PAK3: variants seen among roughly 807,000 people sequenced by gnomAD.
PAK3 encodes the protein p21 (RAC1) activated kinase 3.
PAK3 carries 4 observed loss-of-function variants against 41.0 expected under a neutral mutation model. That is an observed-to-expected ratio of 0.10 (90% confidence interval 0.05 to 0.22). The LOEUF (loss-of-function observed/expected upper bound fraction) is 0.22, where lower values mean the gene tolerates loss of function less well. Among genes scored for constraint, PAK3 ranks in the 10% least tolerant of loss-of-function variants. PAK3 has a pLI of 1.00. For missense variants in PAK3, 205 were observed against 409.9 expected, an observed-to-expected ratio of 0.50 and a Z score of 4.32; for synonymous variants, 146 against 139.6, an observed-to-expected ratio of 1.05 and a Z score of -0.32.
chrX:111,046,438 A>C (rs148288319), intron 1 of PAK3, among the ~76,000 whole-genome samples: 1,810 of 111,875 alleles, frequency 0.016, 34 homozygotes, highest in African/African-American at 0.055. Flanking sequence ...ATGGCCACAT[A>C]GTCTTTGCTC....
intron 4 of PAK3, among the ~76,000 whole-genome samples, chrX:111,114,384 G>A (rs1324170830): frequency 8.9e-6 from 1 of 111,800 alleles, no homozygotes; most frequent in African/African-American, 3.3e-5. Context: ...TGCACAGATG[G>A]GTTACTTAAG....
intron 1 of PAK3, among the ~76,000 whole-genome samples, chrX:110,971,144 A>G (rs1285189207): frequency 8.9e-6 from 1 of 112,226 alleles, no homozygotes; most frequent in East Asian, 2.8e-4. Context: ...AAGATTAAAG[A>G]CTTTGAGTAT....
intron 11 of PAK3, among the ~76,000 whole-genome samples, chrX:111,176,155 T>G (rs2094401354): frequency 9.0e-6 from 1 of 110,989 alleles, no homozygotes; most frequent in Non-Finnish European, 1.9e-5. Context: ...TTGGCCAGAT[T>G]CAAAGAACTG....
intron 1 of PAK3, among the ~76,000 whole-genome samples, chrX:111,039,994 C>CAAAAAA (rs141289134): frequency 2.0e-5 from 1 of 49,274 alleles, no homozygotes. Context: ...GTAGATGGAG[C>CAAAAAA]AAAAAAAAAA....
At chrX:111,201,307 T>A (rs2094680704) in intron 16 of PAK3, among the ~76,000 whole-genome samples, 1 of 112,039 alleles carries the variant, frequency 8.9e-6, no homozygotes, top group East Asian at 2.8e-4. Context: ...ATGCCCTTAT[T>A]TGGAATCTTT....
In PAK3 at chrX:110,953,228, G is replaced by A. The variant is rs779016037; in HGVS notation, c.-28+8600G>A. On this transcript the variant is annotated intron_variant, in intron 1 of 14. Transcript: ENST00000425146. ...CCTCATTAACAAAGAGGCAAAGAGA[G>A]TCAGTAAATGGAGCTTACATTAAAT... Among the ~76,000 whole-genome samples the A allele has an allele frequency of 4.5e-5, 5 of 111,907 alleles. No individual in the cohort carries two copies. The Admixed American group carries it at 4.7e-4, about 11-fold the overall frequency.
At chrX:111,183,888 A>G (rs182455243) in intron 11 of PAK3, among the ~76,000 whole-genome samples, 1 of 111,796 alleles carries the variant, frequency 8.9e-6, no homozygotes, top group East Asian at 2.9e-4. Flanking sequence ...AGATGTACTT[A>G]TCGCATTTTA....
At chrX:111,045,699 C>T (rs1277443051) in intron 1 of PAK3, among the ~76,000 whole-genome samples, 1 of 111,830 alleles carries the variant, frequency 8.9e-6, no homozygotes, top group East Asian at 2.8e-4. Flanking sequence ...GCAATAGAGG[C>T]TCTGTTGTCC....
At chrX:111,150,898 G>A (rs755260880) in intron 7 of PAK3, among the ~76,000 whole-genome samples, 1 of 111,698 alleles carries the variant, frequency 9.0e-6, no homozygotes, top group Non-Finnish European at 1.9e-5. Flanking sequence ...CAGCTATAAA[G>A]AGCCCTTACC....
intron 16 of PAK3, among the ~76,000 whole-genome samples, chrX:111,202,129 CTG>C (rs1347471911): frequency 4.5e-5 from 5 of 111,371 alleles, no homozygotes; most frequent in Non-Finnish European, 9.4e-5. Flanking sequence ...GTGAGTTTTT[CTG>C]TGTCTCTGTT....
chrX:111,109,050 C>T (rs1159916288), intron 4 of PAK3, among the ~76,000 whole-genome samples: 1 of 112,008 alleles, frequency 8.9e-6, no homozygotes, highest in Non-Finnish European at 1.9e-5. Context: ...AGCTGTGTAA[C>T]CTTGTTTGAG....
At chrX:111,181,276 CTA>C (rs10547302) in intron 11 of PAK3, among the ~76,000 whole-genome samples, 15,843 of 111,263 alleles carry the variant, frequency 0.14, 2,323 homozygotes, top group African/African-American at 0.45. Flanking sequence ...AGCTATGCAG[CTA>C]TGTTTGACAG....
At chrX:110,990,814 G>T (rs2091629394) in intron 1 of PAK3, among the ~76,000 whole-genome samples, 1 of 110,507 alleles carries the variant, frequency 9.0e-6, no homozygotes, top group Non-Finnish European at 1.9e-5. Context: ...AAAAGAGAAA[G>T]TCAAGGGATG....
At chrX:111,137,079 C>T (rs2093799996) in intron 5 of PAK3, among the ~76,000 whole-genome samples, 1 of 111,855 alleles carries the variant, frequency 8.9e-6, no homozygotes, top group South Asian at 3.7e-4. Flanking sequence ...GGTGGCAGCA[C>T]AGAATGTAGG....
At chrX:111,168,545 T>C (rs577065598) in intron 10 of PAK3, among the ~76,000 whole-genome samples, 14 of 111,795 alleles carry the variant, frequency 1.3e-4, no homozygotes, top group African/African-American at 4.5e-4. Flanking sequence ...GGGCGATGAG[T>C]GTGGAGACAC....
chrX:111,018,922 A>G (rs1328640362), intron 1 of PAK3, among the ~76,000 whole-genome samples: 2 of 111,590 alleles, frequency 1.8e-5, no homozygotes, highest in Non-Finnish European at 3.8e-5. Flanking sequence ...AAGAGAGCCC[A>G]GAAATAAACC....
chrX:110,968,078 T>C (rs1396049379), intron 1 of PAK3, among the ~76,000 whole-genome samples: 1 of 112,729 alleles, frequency 8.9e-6, no homozygotes, highest in Non-Finnish European at 1.9e-5. Context: ...TGAAACAATA[T>C]ATTATGTGAC....
At chrX:111,177,871 A>T (rs776661622) in intron 11 of PAK3, among the ~76,000 whole-genome samples, 2 of 111,977 alleles carry the variant, frequency 1.8e-5, no homozygotes, top group East Asian at 5.6e-4. Flanking sequence ...CTTAAATGAG[A>T]ATGCACTGAA....
intron 1 of PAK3, among the ~76,000 whole-genome samples, chrX:111,072,580 G>C (rs752675646): frequency 5.5e-4 from 62 of 112,633 alleles, no homozygotes; most frequent in Non-Finnish European, 8.1e-4. Flanking sequence ...ATGTGTAGCA[G>C]GGGTCCTGAT....
Sources: gnomAD v4.1 joint callset for allele counts (sites outside exome capture counted in the v4.1 genomes callset) on GRCh38, gnomAD v4.1.1 for gene constraint, MANE v1.5 for transcripts, NCBI Gene and HGNC (gene_info 2026-07-23, HGNC 2026-07-21) for gene names.